The following SPTLC3 variants were observed in gnomAD, a reference collection of about 807,000 sequenced individuals.
SPTLC3 encodes serine palmitoyltransferase long chain base subunit 3.
In SPTLC3, 36 loss-of-function variants were observed where a neutral mutation model predicts 59.3. That is an observed-to-expected ratio of 0.61 (90% CI 0.47 to 0.80). The LOEUF (loss-of-function observed/expected upper bound fraction) is 0.80, where lower values mean the gene tolerates loss of function less well. Among genes scored for constraint, SPTLC3 ranks in the 30% least tolerant of loss-of-function variants. SPTLC3 has a pLI of 0.00. For missense variants in SPTLC3, 625 were observed against 685.1 expected (o/e 0.91, Z 0.98); for synonymous variants, 257 against 240.8 (o/e 1.07, Z -0.62).
Position 13,117,651 on chromosome 20 carries a change from C to T in SPTLC3, c.1078C>T (p.His360Tyr). The T allele has an allele frequency of 6.2e-7, 1 of 1,614,084 alleles. No homozygotes were observed. The highest frequency in any genetic ancestry group is 8.5e-7 in the Non-Finnish European group (1 of 1,179,960). Reference sequence around the variant, plus strand: ...CACGGAGTTCTTTGGACTAGACCCTCATGAAGTTGATGTGCTCATGGGCAC... The same window carrying T: ...CACGGAGTTCTTTGGACTAGACCCTTATGAAGTTGATGTGCTCATGGGCAC... ...GVTEFFGLDPHEVDVLMGTFT... is the reference protein window; with the variant it reads ...GVTEFFGLDPYEVDVLMGTFT... Residue 360 changes from histidine (H) to tyrosine (Y), a missense_variant, in exon 8 of 12, where the codon CAT (histidine) becomes TAT (tyrosine). Transcript: ENST00000399002.
At chr20:13,118,022 A>G (rs537047449) in intron 8 of SPTLC3, among the ~76,000 whole-genome samples, 27 of 152,336 alleles carry the variant, frequency 1.8e-4, no homozygotes, top group Non-Finnish European at 3.2e-4. Flanking sequence ...GTTAAGTAGT[A>G]TCTAGGACAT....
intron 1 of SPTLC3, among the ~76,000 whole-genome samples, chr20:13,033,144 A>C (rs1023397288): frequency 2.6e-5 from 4 of 152,128 alleles, no homozygotes; most frequent in Non-Finnish European, 5.9e-5. Context: ...TTCCTTGAGG[A>C]GGTAATTTGG....
chr20:13,050,599 A>T (rs1987444874), intron 2 of SPTLC3: 1 of 152,206 alleles, frequency 6.6e-6, no homozygotes, highest in Non-Finnish European at 1.5e-5. Flanking sequence ...CAGGAAATTC[A>T]TCACCAAAAG....
chr20:13,078,186 A>G (rs1369199232), intron 4 of SPTLC3, among the ~76,000 whole-genome samples: 1 of 135,272 alleles, frequency 7.4e-6, no homozygotes, highest in African/African-American at 2.8e-5. Flanking sequence ...TAAAAAGAAA[A>G]TATAAATATA....
intron 9 of SPTLC3, among the ~76,000 whole-genome samples, chr20:13,133,770 C>T (rs776638873): frequency 2.6e-5 from 4 of 152,214 alleles, no homozygotes; most frequent in Middle Eastern, 3.4e-3. Flanking sequence ...GGGGAACTTA[C>T]GTACAGGGAT....
chr20:13,033,853 T>G lies in SPTLC3; in HGVS notation c.118-15092T>G, dbSNP rs16993660. Among the ~76,000 whole-genome samples, 70 of 152,226 alleles carry G rather than the reference T, an allele frequency of 4.6e-4. No homozygotes were observed. In the South Asian group the frequency reaches 0.013, roughly 29 times the overall value. Reference sequence around the variant, plus strand: ...TATGCAGTGAGAACATCCAGCCTGGTGCTTTTTAGGAAGTGAAGCCAGAGC... The same window carrying G: ...TATGCAGTGAGAACATCCAGCCTGGGGCTTTTTAGGAAGTGAAGCCAGAGC... On this transcript the variant is annotated intron_variant, in intron 1 of 11. Transcript: ENST00000399002.
intron 9 of SPTLC3, among the ~76,000 whole-genome samples, chr20:13,150,352 C>T (rs957385413): frequency 6.6e-6 from 1 of 152,168 alleles, no homozygotes; most frequent in Non-Finnish European, 1.5e-5. Context: ...ACAAAGGAGA[C>T]TGTGTCTAAG....
chr20:13,081,616 C>T (rs535312331), intron 4 of SPTLC3, among the ~76,000 whole-genome samples: 1 of 152,224 alleles, frequency 6.6e-6, no homozygotes, highest in Admixed American at 6.5e-5. Flanking sequence ...GAGATCTTAA[C>T]TTTCTTTTAA....
chr20:13,037,026 T>TGTG lies in SPTLC3; in HGVS notation c.118-11919_118-11918insGTG, dbSNP rs151213116. 5.6e-4 allele frequency among the ~76,000 whole-genome samples: 85 copies of TGTG among 152,284 alleles called. 1 individual carries two copies. In the East Asian group the frequency reaches 0.016, roughly 29 times the overall value. On this transcript the variant is annotated intron_variant, in intron 1 of 11. Coordinates refer to ENST00000399002, the MANE Select transcript of SPTLC3 (RefSeq NM_018327.4). The stretch of plus-strand genomic sequence containing the variant: ...TCGAAAACCAGTATTTTCCATCTCT[T>TGTG]CATTCTACCATCTTTTGTGCATTAA...
At chr20:13,159,447 G>T (rs948563842) in intron 10 of SPTLC3, among the ~76,000 whole-genome samples, 1 of 152,034 alleles carries the variant, frequency 6.6e-6, no homozygotes, top group African/African-American at 2.4e-5. Context: ...AATCTTTGGC[G>T]CTGCAGTGGG....
intron 1 of SPTLC3, among the ~76,000 whole-genome samples, chr20:13,042,855 T>C (rs1002324686): frequency 3.3e-5 from 5 of 152,200 alleles, no homozygotes; most frequent in Non-Finnish European, 7.4e-5. Context: ...CTTAAGACAA[T>C]GTCCAAATAC....
chr20:13,058,280 A>G (rs745305635), intron 2 of SPTLC3, among the ~76,000 whole-genome samples: 3 of 152,228 alleles, frequency 2.0e-5, no homozygotes, highest in Non-Finnish European at 4.4e-5. Context: ...CTTCTGAAGG[A>G]TGAGGTCCAT....
intron 1 of SPTLC3, among the ~76,000 whole-genome samples, chr20:13,043,208 A>C (rs1261849017): frequency 1.3e-5 from 2 of 152,164 alleles, no homozygotes; most frequent in East Asian, 3.9e-4. Flanking sequence ...CCATTTCAGA[A>C]AGGAACATGG....
At chr20:13,110,548 A>G (rs1046303098) in intron 7 of SPTLC3, among the ~76,000 whole-genome samples, 9 of 152,130 alleles carry the variant, frequency 5.9e-5, no homozygotes, top group Admixed American at 5.9e-4. Flanking sequence ...TGGGTTATTC[A>G]AGATCAAAAC....
intron 1 of SPTLC3, 71 bp downstream of exon 1, chr20:13,009,455 G>C: frequency 7.3e-7 from 1 of 1,372,202 alleles, no homozygotes; most frequent in East Asian, 2.3e-5. Flanking sequence ...GAAGATATTT[G>C]AGGCTGTCCT....
In SPTLC3 at chr20:13,164,977, C is replaced by G; in HGVS notation, c.*110C>G. On this transcript the variant is annotated 3_prime_UTR_variant, in exon 12 of 12. Coordinates refer to ENST00000399002, the MANE Select transcript of SPTLC3 (RefSeq NM_018327.4). ...CCCTTCCTCAGGACAATTTTGGTTC[C>G]CAGACCAGCTTGATTGAACTGAGGG... 1.1e-6 allele frequency: 1 copy of G among 879,242 alleles called. No homozygotes were observed. The highest frequency in any genetic ancestry group is 1.7e-5 in the African/African-American group (1 of 58,986). 54.5% of individuals were successfully genotyped at this position (879,242 alleles called of 1,614,324 possible).
At chr20:13,145,311 T>C (rs1055743510) in intron 9 of SPTLC3, among the ~76,000 whole-genome samples, 1 of 152,104 alleles carries the variant, frequency 6.6e-6, no homozygotes, top group African/African-American at 2.4e-5. Context: ...AAAATCAATG[T>C]ACTAAAATCA....
chr20:13,048,336 G>T (rs1987321596), intron 1 of SPTLC3, among the ~76,000 whole-genome samples: 1 of 152,158 alleles, frequency 6.6e-6, no homozygotes, highest in African/African-American at 2.4e-5. Context: ...TTTCCCTTAA[G>T]TCCTCTCTTC....
intron 8 of SPTLC3, among the ~76,000 whole-genome samples, chr20:13,122,384 G>A (rs1600322621): frequency 6.6e-6 from 1 of 152,184 alleles, no homozygotes; most frequent in African/African-American, 2.4e-5. Flanking sequence ...TCTGGGTTAG[G>A]GAAAGTACCG....
Sources: allele counts gnomAD v4.1 joint callset (sites outside exome capture counted in the v4.1 genomes callset), GRCh38; gene constraint gnomAD v4.1.1; transcripts MANE v1.5; gene names NCBI Gene and HGNC (gene_info 2026-07-23, HGNC 2026-07-21).